The following SH3GLB1 variants were observed in gnomAD, a reference collection of about 807,000 sequenced individuals.
SH3GLB1 encodes the protein SH3 domain containing GRB2 like, endophilin B1.
Under a neutral mutation model 42.0 loss-of-function variants are expected in SH3GLB1, and 17 were observed. The ratio of observed to expected loss-of-function variants is 0.40; its 90% CI spans 0.28 to 0.61. The LOEUF (loss-of-function observed/expected upper bound fraction) is 0.61, where lower values mean the gene tolerates loss of function less well. SH3GLB1 is among the 20% of genes least tolerant of loss of function. SH3GLB1 has a pLI of 0.36. For missense variants in SH3GLB1, 355 were observed against 426.3 expected (o/e 0.83, Z 1.47); for synonymous variants, 132 against 146.6 (o/e 0.90, Z 0.72).
At position 86,737,859 on chromosome 1, in the gene SH3GLB1, A is replaced by C. The variant is rs142037888; in HGVS notation, c.761+2680A>C. 5.7e-3 allele frequency among the ~76,000 whole-genome samples: 868 copies of C among 152,314 alleles called. 7 individuals carry two copies. The highest frequency in any genetic ancestry group is 0.019 in the African/African-American group (808 of 41,566). Reference sequence around the variant, plus strand: ...GCAGGCATCTGAGAGAAGATGCTCCAGGTAGAGGGTGCAGCAAGTACAAAA... The same window carrying C: ...GCAGGCATCTGAGAGAAGATGCTCCCGGTAGAGGGTGCAGCAAGTACAAAA... On this transcript the variant is annotated intron_variant, in intron 7 of 8. Coordinates refer to ENST00000370558, the MANE Select transcript of SH3GLB1 (RefSeq NM_016009.5).
chr1:86,709,332 C>T (rs532127275), intron 1 of SH3GLB1, among the ~76,000 whole-genome samples: 26 of 152,274 alleles, frequency 1.7e-4, no homozygotes, highest in African/African-American at 6.0e-4. Context: ...CTTTGAAGGG[C>T]AACAATAAGC....
Position 86,742,266 on chromosome 1 carries a change from G to A in SH3GLB1, c.820G>A (p.Val274Ile). 1.9e-6 allele frequency: 3 copies of A among 1,614,098 alleles called. No individual in the cohort carries two copies. Among genetic ancestry groups the A allele is most frequent in the Non-Finnish European group, 1.7e-6 (2 of 1,180,002 alleles). The change falls in exon 8 of 9, where the codon GTT becomes ATT. Residue 274 changes from valine (V) to isoleucine (I), a missense_variant. Physicochemically the swap from Val to Ile is conservative, Grantham distance 29 (BLOSUM62 3). Coordinates refer to ENST00000370558, the MANE Select transcript of SH3GLB1 (RefSeq NM_016009.5). The stretch of plus-strand genomic sequence containing the variant: ...GACTTCTGTGACACCTGTACCATCA[G>A]TTTTACCAAATGCGATTGGTTCTTC... ...NQTSVTPVPS[V>I]LPNAIGSSAM...
In SH3GLB1 at chr1:86,724,355, G is replaced by A; in HGVS notation, c.520G>A (p.Ala174Thr). The change falls in exon 5 of 9, where the codon GCT becomes ACT. Residue 174 changes from alanine to threonine, a missense_variant. Transcript: ENST00000370558. ...GCAAAATAAGAGACTGGATTTGGAT[G>A]CTGCAAAAACGAGACTAAAAAAGGC... ...LLQNKRLDLD[A>T]AKTRLKKAKA... 6.2e-7 allele frequency: 1 copy of A among 1,603,836 alleles called. No homozygotes were observed. Among genetic ancestry groups the A allele is most frequent in the African/African-American group, 1.3e-5 (1 of 74,292 alleles).
intron 3 of SH3GLB1, among the ~76,000 whole-genome samples, chr1:86,719,894 G>A (rs773175821): frequency 1.3e-5 from 2 of 150,974 alleles, no homozygotes; most frequent in Non-Finnish European, 2.9e-5. Flanking sequence ...TACTTGGGAG[G>A]CTGAGGCAGG....
chr1:86,704,965 C>G lies in SH3GLB1; in HGVS notation c.66C>G (p.Ala22=), dbSNP rs774924902. 2 of 1,577,220 alleles carry G rather than the reference C, an allele frequency of 1.3e-6. No homozygotes were observed. The highest frequency in any genetic ancestry group is 8.6e-7 in the Non-Finnish European group (1 of 1,163,928). Residue 22 remains alanine, a synonymous_variant, in exon 1 of 9, where the codon GCC becomes GCG. Transcript: ENST00000370558. Reference sequence around the variant, plus strand: ...ACGCAGGCACCTTCCTCAGTCGCGCCGTGCAGGTACCCTGGTGCTGGGGGG... The same window carrying G: ...ACGCAGGCACCTTCCTCAGTCGCGCGGTGCAGGTACCCTGGTGCTGGGGGG... ...AADAGTFLSR[A]VQFTEEKLGQ... is the part of the protein sequence containing the mutation.
chr1:86,719,912 C>T (rs184819646), intron 3 of SH3GLB1, among the ~76,000 whole-genome samples: 16 of 145,880 alleles, frequency 1.1e-4, no homozygotes, highest in Non-Finnish European at 5.9e-5. Context: ...AGGAGAATGG[C>T]GTGAACCTTG....
chr1:86,724,891 A>AT lies in SH3GLB1; in HGVS notation c.570+486_570+487insT, dbSNP rs1383982132. 6.6e-3 allele frequency among the ~76,000 whole-genome samples: 811 copies of AT among 122,380 alleles called. 8 individuals are homozygous for AT. Among genetic ancestry groups the AT allele is most frequent in the East Asian group, 0.029 (134 of 4,580 alleles). The allele number at this position is 122,380 out of a possible 152,430, so 80.3% of individuals were successfully genotyped here. ...CCTGTCTTTAAAAAAAAAAAAAAAA[A>AT]AATATATATATATATATATATAAAA... On this transcript the variant is annotated intron_variant, in intron 5 of 8. Transcript: ENST00000370558.
intron 5 of SH3GLB1, among the ~76,000 whole-genome samples, chr1:86,728,920 A>G (rs954581054): frequency 6.6e-6 from 1 of 152,096 alleles, no homozygotes; most frequent in Admixed American, 6.5e-5. Context: ...TTTTTCTGCC[A>G]TTTCAGGCCA....
intron 4 of SH3GLB1, among the ~76,000 whole-genome samples, chr1:86,723,778 C>T (rs1163120076): frequency 6.6e-6 from 1 of 152,186 alleles, no homozygotes; most frequent in Non-Finnish European, 1.5e-5. Flanking sequence ...TGAGGTAGGA[C>T]ACCAGGCGTC....
chr1:86,743,288 T>A lies in SH3GLB1; in HGVS notation c.*53T>A. ...TCATGACTTTGTATTTATATACAAT[T>A]AACTCTAAATAAAGCAGGTTAAGTA... On this transcript the variant is annotated 3_prime_UTR_variant, in exon 9 of 9. Transcript: ENST00000370558. 8.4e-7 allele frequency: 1 copy of A among 1,193,796 alleles called. No individual in the cohort carries two copies. The highest frequency in any genetic ancestry group is 1.2e-6 in the Non-Finnish European group (1 of 848,720). 74.0% of individuals were successfully genotyped at this position (1,193,796 alleles called of 1,614,324 possible). A position where few individuals can be genotyped will look rare whatever the true frequency, so the allele number is the denominator to read the frequency against.
chr1:86,717,872 AG>A (rs1391964979), intron 2 of SH3GLB1, among the ~76,000 whole-genome samples: 13 of 152,338 alleles, frequency 8.5e-5, no homozygotes, highest in African/African-American at 2.4e-4. Context: ...ATTGTAGCAG[AG>A]TTGCCTGCAT....
In SH3GLB1 at chr1:86,746,593, G is replaced by A. The variant is rs1427262217; in HGVS notation, c.*3358G>A. On this transcript the variant is annotated 3_prime_UTR_variant, in exon 9 of 9. Coordinates refer to ENST00000370558, the MANE Select transcript of SH3GLB1 (RefSeq NM_016009.5). ...CATTAGAAAGTCTACTCAGGGCTGGGTGCCGTGGCTCATGCCTGTAATCCC... is the reference window on the plus strand; with the variant it reads ...CATTAGAAAGTCTACTCAGGGCTGGATGCCGTGGCTCATGCCTGTAATCCC... 1 of 152,272 alleles carries A rather than the reference G, an allele frequency of 6.6e-6. No homozygotes were observed. Among genetic ancestry groups the A allele is most frequent in the East Asian group, 1.9e-4 (1 of 5,194 alleles). The allele number at this position is 152,272 out of a possible 1,614,324, so 9.4% of individuals were successfully genotyped here. A position where few individuals can be genotyped will look rare whatever the true frequency, so the allele number is the denominator to read the frequency against.
chr1:86,724,961 A>G (rs908066190), intron 5 of SH3GLB1, among the ~76,000 whole-genome samples: 1 of 144,766 alleles, frequency 6.9e-6, no homozygotes, highest in African/African-American at 2.6e-5. Context: ...TATATAATAC[A>G]TATGTGTATA....
chr1:86,724,245 T>C, intron 4 of SH3GLB1, 68 bp from the exon 5 acceptor site: 1 of 1,108,138 alleles, frequency 9.0e-7, no homozygotes, highest in Non-Finnish European at 1.3e-6. Flanking sequence ...AATAATACTT[T>C]AAATGTGTAT....
At chr1:86,734,443 A>G (rs887542282) in intron 5 of SH3GLB1, 159 bp from the exon 6 acceptor site, 22 of 590,654 alleles carry the variant, frequency 3.7e-5, no homozygotes, top group Admixed American at 8.9e-5. Context: ...GCTAAGGTCT[A>G]GAAACCAGGG....
intron 5 of SH3GLB1, among the ~76,000 whole-genome samples, chr1:86,728,941 C>T (rs1655358795): frequency 6.6e-6 from 1 of 152,114 alleles, no homozygotes; most frequent in African/African-American, 2.4e-5. Context: ...AGACAGACCC[C>T]ATTAGGTTAG....
chr1:86,706,808 C>G (rs1653894482), intron 1 of SH3GLB1, among the ~76,000 whole-genome samples: 1 of 152,168 alleles, frequency 6.6e-6, no homozygotes, highest in Non-Finnish European at 1.5e-5. Context: ...AGAATTTAGT[C>G]TGATTTAAAT....
intron 1 of SH3GLB1, among the ~76,000 whole-genome samples, chr1:86,713,817 G>A (rs1654354628): frequency 6.6e-6 from 1 of 152,052 alleles, no homozygotes; most frequent in Admixed American, 6.5e-5. Context: ...ATGTTGGTCC[G>A]CTTTACCATC....
rs1483030619 is a variant in SH3GLB1 at position 86,735,101 on chromosome 1, A to G, written c.683A>G (p.Asn228Ser). Reference protein sequence around the residue: ...STHAHHLRCLNDFVEAQMTYY... With the variant: ...STHAHHLRCLSDFVEAQMTYY... ...CAGGCCCATCACCTTCGCTGTCTGA[A>G]TGACTTTGTAGAAGCCCAGATGACT... The change falls in exon 7 of 9, where the codon AAT becomes AGT. Residue 228 changes from asparagine to serine, a missense_variant. Asn to Ser is a conservative substitution (Grantham distance 46, BLOSUM62 1). Coordinates refer to ENST00000370558, the MANE Select transcript of SH3GLB1 (RefSeq NM_016009.5). The G allele has an allele frequency of 3.1e-6, 5 of 1,612,970 alleles. No individual in the cohort carries two copies. Among genetic ancestry groups the G allele is most frequent in the Non-Finnish European group, 4.2e-6 (5 of 1,179,114 alleles).
Sources: gnomAD v4.1 joint callset for allele counts (sites outside exome capture counted in the v4.1 genomes callset) on GRCh38, gnomAD v4.1.1 for gene constraint, MANE v1.5 for transcripts, NCBI Gene and HGNC (gene_info 2026-07-23, HGNC 2026-07-21) for gene names.